Variants in TMEM71 observed in about 807,000 individuals in gnomAD.
The protein encoded by TMEM71 is transmembrane protein 71.
In TMEM71, 44 loss-of-function variants were observed where a neutral mutation model predicts 38.0. The observed-to-expected ratio is 1.16, with a 90% CI of 0.91 to 1.49. The LOEUF is 1.49. Among genes scored for constraint, TMEM71 ranks in the 40% most tolerant of loss-of-function variants. The probability of loss-of-function intolerance (pLI) is 0.00; values close to 1 mark genes in which losing one functional copy is unlikely to be tolerated. For missense variants in TMEM71, 367 were observed against 348.6 expected, an observed-to-expected ratio of 1.05 and a Z score of -0.42; for synonymous variants, 133 against 122.5, an observed-to-expected ratio of 1.09 and a Z score of -0.56.
At chr8:132,725,551 T>G (rs759007152) in intron 6 of TMEM71, among the ~76,000 whole-genome samples, 17 of 152,212 alleles carry the variant, frequency 1.1e-4, no homozygotes, top group Non-Finnish European at 2.4e-4. Flanking sequence ...AACTCAAAAA[T>G]CTTCAACTGA....
At chr8:132,752,879 G>GGAAA (rs1280239762) in intron 3 of TMEM71, among the ~76,000 whole-genome samples, 1 of 140,888 alleles carries the variant, frequency 7.1e-6, no homozygotes, top group African/African-American at 2.8e-5. Context: ...AAGGAAGGAA[G>GGAAA]GAAGGAAGGA....
At chr8:132,731,438 T>C (rs941033108) in intron 5 of TMEM71, among the ~76,000 whole-genome samples, 2 of 152,246 alleles carry the variant, frequency 1.3e-5, no homozygotes, top group Admixed American at 1.3e-4. Flanking sequence ...GAATTAGATA[T>C]GCAGGAATTT....
At chr8:132,708,353 C>T (rs1261709808), downstream of TMEM71, among the ~76,000 whole-genome samples, 1 of 152,210 alleles carries the variant, frequency 6.6e-6, no homozygotes, top group Non-Finnish European at 1.5e-5. Context: ...CAAGAGCAAC[C>T]ATCTGGCTGG....
intron 6 of TMEM71, 54 bp from the exon 7 acceptor site, chr8:132,722,169 C>A: frequency 1.6e-5 from 21 of 1,314,212 alleles, no homozygotes; most frequent in Non-Finnish European, 2.2e-5. Context: ...ATTCAATCAT[C>A]TTGGAAGAAA....
chr8:132,775,572 G>A, the TMEM71 span: 4 of 355,550 alleles, frequency 1.1e-5, no homozygotes, highest in Non-Finnish European at 2.0e-5. Flanking sequence ...GCAGAGGCCC[G>A]GGCTGGCCGC....
chr8:132,748,150 G>A (rs1183145369), intron 4 of TMEM71, among the ~76,000 whole-genome samples: 22 of 152,230 alleles, frequency 1.4e-4, no homozygotes, highest in Non-Finnish European at 1.5e-5. Context: ...CAGGCAAGGT[G>A]GGCATGGAAC....
At chr8:132,743,339 C>G (rs764632091) in intron 5 of TMEM71, among the ~76,000 whole-genome samples, 1 of 152,092 alleles carries the variant, frequency 6.6e-6, no homozygotes, top group Non-Finnish European at 1.5e-5. Flanking sequence ...TCCTGGTTCT[C>G]TTCTGCCACT....
chr8:132,737,952 A>G (rs1827837246), intron 5 of TMEM71, among the ~76,000 whole-genome samples: 3 of 152,114 alleles, frequency 2.0e-5, no homozygotes, highest in Admixed American at 2.0e-4. Context: ...CTGGTTATCT[A>G]TTTCCCATAA....
At chr8:132,758,608 T>C in intron 2 of TMEM71, 1 of 485,976 alleles carries the variant, frequency 2.1e-6, no homozygotes, top group South Asian at 2.7e-5. Context: ...CACAGGCATC[T>C]AAAAAAAAAC....
intron 3 of TMEM71, among the ~76,000 whole-genome samples, chr8:132,756,239 T>C (rs1173744489): frequency 6.6e-6 from 1 of 151,718 alleles, no homozygotes; most frequent in Non-Finnish European, 1.5e-5. Flanking sequence ...TGGTAGAGCA[T>C]AAAATTCGGC....
At position 132,713,764 on chromosome 8, in the gene TMEM71, G is replaced by A. The variant is rs539578596; in HGVS notation, c.872+231C>T. Among the ~76,000 whole-genome samples the A allele has an allele frequency of 1.5e-4, 23 of 152,276 alleles. No homozygotes were observed. Among genetic ancestry groups the A allele is most frequent in the Admixed American group, 3.9e-4 (6 of 15,300 alleles). ...TTTAAAAATTATTTTAAATGACATC[G>A]CCTTTCAAATTATTTTCTAAGTCCT... is the stretch of plus-strand genomic sequence containing the variant. On this transcript the variant is annotated intron_variant, in intron 9 of 9. Coordinates refer to ENST00000677595, the MANE Select transcript of TMEM71 (RefSeq NM_001382403.1).
At chr8:132,729,380 G>A (rs1290979562) in intron 5 of TMEM71, among the ~76,000 whole-genome samples, 1 of 152,152 alleles carries the variant, frequency 6.6e-6, no homozygotes, top group Non-Finnish European at 1.5e-5. Context: ...AATTCTCTTG[G>A]TTCTGTCTTG....
chr8:132,715,111 G>C (rs1826433753), intron 7 of TMEM71, among the ~76,000 whole-genome samples: 1 of 152,112 alleles, frequency 6.6e-6, no homozygotes, highest in African/African-American at 2.4e-5. Flanking sequence ...TTGCAGTTAA[G>C]AATGAAAAGA....
At chr8:132,765,552 T>A (rs1829353688), upstream of TMEM71, among the ~76,000 whole-genome samples, 1 of 152,114 alleles carries the variant, frequency 6.6e-6, no homozygotes, top group Non-Finnish European at 1.5e-5. Flanking sequence ...GGATTCCAGT[T>A]TTCCCTGCTC....
At chr8:132,738,047 T>C (rs1207945719) in intron 5 of TMEM71, among the ~76,000 whole-genome samples, 1 of 152,204 alleles carries the variant, frequency 6.6e-6, no homozygotes, top group Admixed American at 6.5e-5. Context: ...TTTTTAGAGC[T>C]AATGTGTATT....
chr8:132,768,611 G>GC, the TMEM71 span, among the ~76,000 whole-genome samples: 1 of 152,136 alleles, frequency 6.6e-6, no homozygotes, highest in African/African-American at 2.4e-5. Flanking sequence ...ACCAAAGGGT[G>GC]TTTCTCCTCA....
At chr8:132,721,679 T>G (rs1826857485) in intron 7 of TMEM71, among the ~76,000 whole-genome samples, 2 of 151,994 alleles carry the variant, frequency 1.3e-5, no homozygotes, top group Non-Finnish European at 2.9e-5. Flanking sequence ...CCTGAGTAGC[T>G]GGCATTACAG....
At chr8:132,732,700 T>C (rs577807433) in intron 5 of TMEM71, among the ~76,000 whole-genome samples, 5 of 152,166 alleles carry the variant, frequency 3.3e-5, no homozygotes, top group Non-Finnish European at 5.9e-5. Context: ...CCAAGAGACA[T>C]TGGGGTCCTC....
Position 132,714,235 on chromosome 8 carries a change from C to G in TMEM71, c.753-20G>C, listed in dbSNP as rs1330170044. On this transcript the variant is annotated intron_variant, in intron 7 of 9. Coordinates refer to ENST00000677595, the MANE Select transcript of TMEM71 (RefSeq NM_001382403.1). ...AACCATCTGAAACAACAAGATTGCT[C>G]TGATTTAGCATACTAATTGTGCATT... 2.5e-6 allele frequency: 4 copies of G among 1,589,990 alleles called. No individual in the cohort carries two copies. In the East Asian group the frequency reaches 8.9e-5, roughly 36 times the overall value.
Sources: gnomAD v4.1 joint callset for allele counts (sites outside exome capture counted in the v4.1 genomes callset) on GRCh38, gnomAD v4.1.1 for gene constraint, MANE v1.5 for transcripts, NCBI Gene and HGNC (gene_info 2026-07-23, HGNC 2026-07-21) for gene names.